Variants in NUMA1 observed in about 807,000 individuals in gnomAD.
The protein encoded by NUMA1 is SP-H antigen.
In NUMA1, 62 loss-of-function variants were observed where a neutral mutation model predicts 237.1. The observed-to-expected ratio is 0.26, with a 90% CI of 0.21 to 0.32. The LOEUF (loss-of-function observed/expected upper bound fraction) is 0.32. Ranked by LOEUF, NUMA1 falls within the 10% of genes least tolerant of loss-of-function variation. NUMA1 has a pLI of 1.00. For synonymous variants in NUMA1, 1,028 were observed against 1,066.1 expected, an observed-to-expected ratio of 0.96 and a Z score of 0.70; for missense variants, 2,533 against 2,666.5, an observed-to-expected ratio of 0.95 and a Z score of 1.10.
intron 2 of NUMA1, among the ~76,000 whole-genome samples, chr11:72,048,175 C>A (rs1029721891): frequency 4.6e-5 from 7 of 152,150 alleles, no homozygotes; most frequent in African/African-American, 1.7e-4. Context: ...CCGCTCACCG[C>A]AACCTCTGCC....
chr11:72,024,209 T>G, intron 5 of NUMA1, 65 bp downstream of exon 5: 1 of 1,457,686 alleles, frequency 6.9e-7, no homozygotes, highest in South Asian at 1.1e-5. Context: ...CTAGTTCCTC[T>G]GGACTCTCCA....
chr11:72,071,280 A>G (rs1943439550), intron 1 of NUMA1, among the ~76,000 whole-genome samples: 1 of 152,246 alleles, frequency 6.6e-6, no homozygotes, highest in Non-Finnish European at 1.5e-5. Context: ...AATAAGTGCT[A>G]AATTATATAC....
At position 72,014,460 on chromosome 11, in the gene NUMA1, G is replaced by C. The variant is rs201363056; in HGVS notation, c.3043C>G (p.Arg1015Gly). The change falls in exon 15 of 27, where the codon CGT (arginine) becomes GGT (glycine). Residue 1015 changes from arginine to glycine, a missense_variant. Coordinates refer to ENST00000393695, the MANE Select transcript of NUMA1 (RefSeq NM_006185.4). The surrounding 1 kb of genome is among the most constrained non-coding windows in gnomAD (Gnocchi z 4.6). Reference protein sequence around the residue: ...EVARLTQERGRAQADLALEKA... With the variant: ...EVARLTQERGGAQADLALEKA... ...TCCAGGGCAAGGTCAGCCTGGGCAC[G>C]GCCCCGCTCCTGGGTCAGCCGCGCC... The C allele has an allele frequency of 1.9e-6, 3 of 1,604,126 alleles. No homozygotes were observed. Among genetic ancestry groups the C allele is most frequent in the African/African-American group, 1.3e-5 (1 of 74,942 alleles).
intron 1 of NUMA1, among the ~76,000 whole-genome samples, chr11:72,073,904 T>C (rs960274449): frequency 2.0e-5 from 3 of 152,158 alleles, no homozygotes; most frequent in African/African-American, 7.2e-5. Context: ...AAGAAGTAGC[T>C]TCCGAGGCTG....
At chr11:72,038,178 CTG>C (rs1941264156) in intron 2 of NUMA1, among the ~76,000 whole-genome samples, 1 of 152,170 alleles carries the variant, frequency 6.6e-6, no homozygotes, top group South Asian at 2.1e-4. Flanking sequence ...TTATCTGCAA[CTG>C]TAGGCAGATC....
At chr11:72,037,896 T>C (rs1234218547) in intron 2 of NUMA1, among the ~76,000 whole-genome samples, 2 of 152,208 alleles carry the variant, frequency 1.3e-5, no homozygotes, top group African/African-American at 2.4e-5. Context: ...CAAGATTATG[T>C]AGCCCTTGAG....
chr11:72,012,942 C>G lies in NUMA1; in HGVS notation c.4561G>C (p.Glu1521Gln). Residue 1521 changes from glutamate (E) to glutamine (Q), a missense_variant, in exon 15 of 27, where the codon GAG becomes CAG. Glu to Gln is a conservative substitution (Grantham distance 29). Transcript: ENST00000393695. ...KYEGAKVKVL[E>Q]ERQRFQEERQ... ...TCTTCCTGGAACCGCTGCCTCTCCT[C>G]CAGGACCTTGACCTTGGCACCCTCA... The G allele has an allele frequency of 6.2e-7, 1 of 1,614,184 alleles. No homozygotes were observed.
chr11:72,075,900 C>T (rs1181978941), intron 1 of NUMA1, among the ~76,000 whole-genome samples: 1 of 152,164 alleles, frequency 6.6e-6, no homozygotes, highest in Non-Finnish European at 1.5e-5. Flanking sequence ...ATTTGTAACA[C>T]CCTCATAGGT....
In NUMA1 at chr11:72,009,051, C is replaced by T; in HGVS notation, c.4974G>A (p.Glu1658=). 1 of 1,613,822 alleles carries T rather than the reference C, an allele frequency of 6.2e-7. No individual in the cohort carries two copies. The highest frequency in any genetic ancestry group is 8.5e-7 in the Non-Finnish European group (1 of 1,180,036). Residue 1658 remains glutamate (E), a synonymous_variant, in exon 19 of 27, where the codon GAG becomes GAA. Coordinates refer to ENST00000393695, the MANE Select transcript of NUMA1 (RefSeq NM_006185.4). ...TGGTCTTCAGCCCAGCCTGCTGTAG[C>T]TCATGGCCCAGCCGTTCAGCTTCAG... is the stretch of plus-strand genomic sequence containing the variant. ...LRAEAERLGH[E]LQQAGLKTKE... is the part of the protein sequence containing the mutation.
At chr11:72,027,426 A>G (rs1165490578) in intron 4 of NUMA1, among the ~76,000 whole-genome samples, 1 of 152,192 alleles carries the variant, frequency 6.6e-6, no homozygotes, top group African/African-American at 2.4e-5. Context: ...CCTTGACAAA[A>G]AAAAAAAGTG....
intron 1 of NUMA1, among the ~76,000 whole-genome samples, chr11:72,076,280 G>A (rs1195050892): frequency 2.6e-5 from 4 of 152,092 alleles, no homozygotes; most frequent in Non-Finnish European, 5.9e-5. Context: ...AGGCTGAGGT[G>A]GGCGGACTGC....
intron 1 of NUMA1, among the ~76,000 whole-genome samples, chr11:72,072,996 G>A (rs1285701667): frequency 1.6e-5 from 2 of 122,864 alleles, no homozygotes; most frequent in African/African-American, 6.0e-5. Flanking sequence ...GCAGTGAGCC[G>A]AGATCGCGCC....
intron 15 of NUMA1, 76 bp from the exon 16 acceptor site, chr11:72,012,518 C>A: frequency 7.4e-7 from 1 of 1,351,408 alleles, no homozygotes; most frequent in Non-Finnish European, 1.1e-6. Flanking sequence ...CCAGGCTGAC[C>A]TCACTGAGGC....
chr11:72,059,971 A>G (rs1942855004), intron 2 of NUMA1, among the ~76,000 whole-genome samples: 1 of 152,122 alleles, frequency 6.6e-6, no homozygotes, highest in African/African-American at 2.4e-5. Context: ...AAAGTTAAAC[A>G]TCTCCTCACA....
At chr11:72,018,348 G>A (rs771366255) in intron 11 of NUMA1, 48 bp from the exon 12 acceptor site, 52 of 1,606,304 alleles carry the variant, frequency 3.2e-5, no homozygotes, top group South Asian at 4.4e-5. Flanking sequence ...TCCTGGCTGG[G>A]TGAGGGGAGG....
chr11:72,007,680 C>T, intron 20 of NUMA1: 1 of 556,470 alleles, frequency 1.8e-6, no homozygotes, highest in East Asian at 3.2e-5. Context: ...CCCATCCCCA[C>T]CAGATGCCCA....
chr11:72,062,432 G>A (rs1222994221), intron 2 of NUMA1, among the ~76,000 whole-genome samples: 3 of 151,974 alleles, frequency 2.0e-5, no homozygotes, highest in African/African-American at 7.2e-5. Flanking sequence ...TGCATTTTAG[G>A]CCAGGCGCGG....
chr11:72,042,669 TG>T (rs1941756283), intron 2 of NUMA1, among the ~76,000 whole-genome samples: 6 of 152,278 alleles, frequency 3.9e-5, no homozygotes, highest in Admixed American at 3.3e-4. Flanking sequence ...ATCAAAGACT[TG>T]TAAGTTTGTT....
At chr11:72,055,764 G>A (rs1375242208) in intron 2 of NUMA1, among the ~76,000 whole-genome samples, 1 of 151,618 alleles carries the variant, frequency 6.6e-6, no homozygotes, top group Non-Finnish European at 1.5e-5. Context: ...AGGATCACTT[G>A]AGCCCAGGAA....
Sources: allele counts gnomAD v4.1 joint callset (sites outside exome capture counted in the v4.1 genomes callset), GRCh38; gene constraint gnomAD v4.1.1; non-coding constraint Gnocchi (gnomAD v3.1); transcripts MANE v1.5; gene names NCBI Gene and HGNC (gene_info 2026-07-23, HGNC 2026-07-21).